The following FAT4 variants were observed in gnomAD, a reference collection of about 807,000 sequenced individuals.
FAT4 encodes the protein FAT atypical cadherin 4, also known as protocadherin Fat 4.
FAT4 carries 84 observed loss-of-function variants against 303.9 expected under a neutral mutation model. That is an observed-to-expected ratio of 0.28 (90% CI 0.23 to 0.33). The LOEUF (loss-of-function observed/expected upper bound fraction) is 0.33. Among genes scored for constraint, FAT4 ranks in the 10% least tolerant of loss-of-function variants. The pLI, the probability that FAT4 is intolerant of heterozygous loss-of-function variation, is 1.00. For synonymous variants in FAT4, 2,307 were observed against 2,298.8 expected (o/e 1.00, Z -0.10); for missense variants, 6,005 against 6,146.8 (o/e 0.98, Z 0.77).
At chr4:125,395,794 C>A (rs1734146827) in intron 2 of FAT4, among the ~76,000 whole-genome samples, 1 of 152,000 alleles carries the variant, frequency 6.6e-6, no homozygotes, top group South Asian at 2.1e-4. Context: ...TAGATTCATT[C>A]AAAAAGGTGT....
intron 5 of FAT4, among the ~76,000 whole-genome samples, chr4:125,413,447 GA>G (rs1484494051): frequency 6.6e-6 from 1 of 151,798 alleles, no homozygotes; most frequent in Non-Finnish European, 1.5e-5. Context: ...TAATGAGGGG[GA>G]AAAAATAAAC....
rs1730815177 is a variant in FAT4, at chr4:125,319,317, C to T, written c.2906C>T (p.Ser969Phe). 6.2e-7 allele frequency: 1 copy of T among 1,614,080 alleles called. No individual in the cohort carries two copies. The highest frequency in any genetic ancestry group is 8.5e-7 in the Non-Finnish European group (1 of 1,180,008). The change falls in exon 2 of 18, where the codon TCT becomes TTT. Residue 969 changes from serine (S) to phenylalanine (F), a missense_variant. By Grantham distance (155) the Ser-to-Phe change is radical. Transcript: ENST00000394329. ...TCCTACCAAATAGAGATCTTGGCAT[C>T]TGACATGGGTGTCCCACAGCTCTCC... ...AGSYQIEILA[S>F]DMGVPQLSSS...
At chr4:125,385,103 C>A (rs1408508853) in intron 2 of FAT4, among the ~76,000 whole-genome samples, 2 of 148,448 alleles carry the variant, frequency 1.3e-5, no homozygotes, top group Non-Finnish European at 3.0e-5. Flanking sequence ...CTCACTGCAA[C>A]CTCTGCTTCC....
Position 125,320,685 on chromosome 4 carries a change from T to G in FAT4, c.4274T>G (p.Ile1425Ser), listed in dbSNP as rs759931847. ...DNPPSFPPGD[I>S]FKSIVENIPI... Reference sequence around the variant, plus strand: ...CCTCCTAGCTTTCCTCCTGGAGATATTTTCAAGTCTATTGTTGAGAACATT... The same window carrying G: ...CCTCCTAGCTTTCCTCCTGGAGATAGTTTCAAGTCTATTGTTGAGAACATT... The change falls in exon 2 of 18, where the codon ATT becomes AGT. Residue 1425 changes from isoleucine to serine, a missense_variant. Transcript: ENST00000394329. 1.1e-5 allele frequency: 18 copies of G among 1,613,864 alleles called. No homozygotes were observed. In the East Asian group the frequency reaches 3.8e-4, roughly 34 times the overall value.
intron 2 of FAT4, among the ~76,000 whole-genome samples, chr4:125,388,167 A>G (rs772098264): frequency 1.3e-5 from 2 of 152,210 alleles, no homozygotes; most frequent in Non-Finnish European, 2.9e-5. Context: ...TGCTATTTTT[A>G]TAGATAGCCC....
chr4:125,449,762 G>A lies in FAT4; in HGVS notation c.8752G>A (p.Glu2918Lys), dbSNP rs1405417167. The change falls in exon 10 of 18, where the codon GAA (glutamate) becomes AAA (lysine). Residue 2918 changes from glutamate to lysine, a missense_variant. Glu to Lys is a moderately conservative substitution (Grantham distance 56, BLOSUM62 1). Coordinates refer to ENST00000394329, the MANE Select transcript of FAT4 (RefSeq NM_001291303.3). ...GTTTTATTTCATAAAATCCCAATCA[G>A]AATATTTCAGGATTAATGCCACCAC... ...QVFYFIKSQS[E>K]YFRINATTGE... 6.2e-7 allele frequency: 1 copy of A among 1,613,696 alleles called. No individual in the cohort carries two copies. The highest frequency in any genetic ancestry group is 1.1e-5 in the South Asian group (1 of 91,064).
chr4:125,471,895 C>CAAAAAAAAAAAAAAAAAAAAAAA (rs60730341), intron 12 of FAT4, among the ~76,000 whole-genome samples: 9 of 56,118 alleles, frequency 1.6e-4, no homozygotes, highest in Non-Finnish European at 2.1e-4. Flanking sequence ...ACTAAAAATA[C>CAAAAAAAAAAAAAAAAAAAAAAA]AAAAAAAAAA....
Position 125,321,299 on chromosome 4 carries a change from A to G in FAT4, c.4888A>G (p.Thr1630Ala). ...TCAGGGCCTTGATGGACCTGTTTTT[A>G]CTCAACCCAAATATATAACTATTTT... Reference protein sequence around the residue: ...ILQGLDGPVFTQPKYITILKE... With the variant: ...ILQGLDGPVFAQPKYITILKE... Residue 1630 changes from threonine (T) to alanine (A), a missense_variant, in exon 2 of 18, where the codon ACT becomes GCT. Thr to Ala is a moderately conservative substitution (Grantham distance 58). Transcript: ENST00000394329. 1 of 1,614,088 alleles carries G rather than the reference A, an allele frequency of 6.2e-7. No individual in the cohort carries two copies. The highest frequency in any genetic ancestry group is 1.1e-5 in the South Asian group (1 of 91,078).
chr4:125,385,088 C>G (rs900285378), intron 2 of FAT4, among the ~76,000 whole-genome samples: 62 of 144,372 alleles, frequency 4.3e-4, no homozygotes, highest in Non-Finnish European at 7.0e-4. Context: ...ATGGCATGAT[C>G]TCCACTCACT....
At chr4:125,340,535 C>A (rs1224493811) in intron 2 of FAT4, among the ~76,000 whole-genome samples, 1 of 152,086 alleles carries the variant, frequency 6.6e-6, no homozygotes, top group African/African-American at 2.4e-5. Context: ...TACAGGCGCC[C>A]GCCACCACGC....
In FAT4 at chr4:125,492,121, G is replaced by A. The variant is rs1279718491; in HGVS notation, c.*353G>A. The A allele has an allele frequency of 9.3e-6, 2 of 215,436 alleles. No individual in the cohort carries two copies. Among genetic ancestry groups the A allele is most frequent in the Non-Finnish European group, 1.9e-5 (2 of 107,794 alleles). 13.3% of individuals were successfully genotyped at this position (215,436 alleles called of 1,614,324 possible). A position where few individuals can be genotyped will look rare whatever the true frequency, so the allele number is the denominator to read the frequency against. On this transcript the variant is annotated 3_prime_UTR_variant, in exon 18 of 18. Coordinates refer to ENST00000394329, the MANE Select transcript of FAT4 (RefSeq NM_001291303.3). ...CTTGTGCTTTCCCAGTGGCGTATGTGTATTGTTTCAACTGTATTATTATAA... is the reference window on the plus strand; with the variant it reads ...CTTGTGCTTTCCCAGTGGCGTATGTATATTGTTTCAACTGTATTATTATAA...
Position 125,489,861 on chromosome 4 carries a change from T to TTTTTC in FAT4, c.13085-36_13085-35insCTTTT, listed in dbSNP as rs777147704. On this transcript the variant is annotated intron_variant, in intron 17 of 17. Coordinates refer to ENST00000394329, the MANE Select transcript of FAT4 (RefSeq NM_001291303.3). The stretch of plus-strand genomic sequence containing the variant: ...TAGTATAAGCTCTTTTTTTTTTTTT[T>TTTTTC]TTTTTTTGTAAAAAGCCTTACTCCT... 22 of 1,052,768 alleles carry TTTTTC rather than the reference T, an allele frequency of 2.1e-5. No homozygotes were observed. In the African/African-American group the frequency reaches 3.6e-4, roughly 17 times the overall value. 65.2% of individuals were successfully genotyped at this position (1,052,768 alleles called of 1,614,324 possible).
intron 7 of FAT4, among the ~76,000 whole-genome samples, chr4:125,417,728 T>C (rs1055937325): frequency 3.3e-5 from 5 of 152,156 alleles, no homozygotes; most frequent in African/African-American, 1.2e-4. Context: ...TCCTAAGTCA[T>C]GGTGTTTTGG....
chr4:125,359,713 G>A (rs1176203936), intron 2 of FAT4, among the ~76,000 whole-genome samples: 1 of 152,140 alleles, frequency 6.6e-6, no homozygotes, highest in Non-Finnish European at 1.5e-5. Flanking sequence ...AATTTCAGAA[G>A]AAAATCGTAC....
chr4:125,316,900 C>T lies in FAT4; in HGVS notation c.489C>T (p.Asp163=). ...QVILDTATDS[D]IGSNGVDHRS... The stretch of plus-strand genomic sequence containing the variant: ...TCTTAGACACCGCCACCGACTCGGA[C>T]ATCGGCTCAAACGGTGTGGACCACC... Residue 163 remains aspartate (D), a synonymous_variant, in exon 2 of 18, where the codon GAC becomes GAT. Transcript: ENST00000394329. This position sits in a 1 kb window ranked among gnomAD's most constrained non-coding sequence, Gnocchi z 5.7. 3.1e-6 allele frequency: 5 copies of T among 1,614,030 alleles called. No individual in the cohort carries two copies. Among genetic ancestry groups the T allele is most frequent in the Non-Finnish European group, 4.2e-6 (5 of 1,180,036 alleles).
chr4:125,399,818 C>A (rs998979594), intron 3 of FAT4, among the ~76,000 whole-genome samples: 1 of 151,844 alleles, frequency 6.6e-6, no homozygotes, highest in Middle Eastern at 3.3e-3. Flanking sequence ...AGAAAAGATA[C>A]GATGTTTTAT....
Position 125,415,292 on chromosome 4 carries a change from G to C in FAT4, c.6329G>C (p.Gly2110Ala), listed in dbSNP as rs1317276632. ...GTIDGEVRLT[G>A]ELDREEVSNY... The stretch of plus-strand genomic sequence containing the variant: ...ATTGATGGTGAAGTGAGGCTCACTG[G>C]AGAACTGGACAGAGAAGAAGTTTCT... The change falls in exon 6 of 18, where the codon GGA (glycine) becomes GCA (alanine). Residue 2110 changes from glycine (G) to alanine (A), a missense_variant. Gly to Ala is a moderately conservative substitution (Grantham distance 60). Coordinates refer to ENST00000394329, the MANE Select transcript of FAT4 (RefSeq NM_001291303.3). 2 of 1,614,086 alleles carry C rather than the reference G, an allele frequency of 1.2e-6. No individual in the cohort carries two copies. Among genetic ancestry groups the C allele is most frequent in the South Asian group, 2.2e-5 (2 of 91,086 alleles).
rs199866344 is a variant in FAT4, at chr4:125,406,871, T to C, written c.5308-9T>C. ...TCCAATAGCTCAGATGCTTGGTCTC[T>C]TTTTTTAGGGTGCAAATGCTCTCGT... is the stretch of plus-strand genomic sequence containing the variant. On this transcript the variant is annotated splice_polypyrimidine_tract_variant and intron_variant, in intron 3 of 17. Transcript: ENST00000394329. 20 of 1,610,632 alleles carry C rather than the reference T, an allele frequency of 1.2e-5. No homozygotes were observed. The East Asian group carries it at 3.8e-4, about 31-fold the overall frequency.
At position 125,449,208 on chromosome 4, in the gene FAT4, T is replaced by C. The variant is rs932788480; in HGVS notation, c.8198T>C (p.Leu2733Ser). The change falls in exon 10 of 18, where the codon TTG becomes TCG. Residue 2733 changes from leucine to serine, a missense_variant. Transcript: ENST00000394329. ...ATGEIRSVRP[L>S]DREKVSHYVL... is the part of the protein sequence containing the mutation. ...GGTGAAATTAGAAGCGTTAGACCTT[T>C]GGACAGGGAAAAAGTATCTCATTAT... The C allele has an allele frequency of 1.2e-6, 2 of 1,613,854 alleles. No individual in the cohort carries two copies. The highest frequency in any genetic ancestry group is 8.5e-7 in the Non-Finnish European group (1 of 1,179,920).
Sources: allele counts gnomAD v4.1 joint callset (sites outside exome capture counted in the v4.1 genomes callset), GRCh38; gene constraint gnomAD v4.1.1; non-coding constraint Gnocchi (gnomAD v3.1); transcripts MANE v1.5; gene names NCBI Gene and HGNC (gene_info 2026-07-23, HGNC 2026-07-21).